The following EXT1 variants were observed in gnomAD, a reference collection of about 807,000 sequenced individuals.
EXT1 encodes the protein exostosin-1.
Under a neutral mutation model 82.5 loss-of-function variants are expected in EXT1, and 20 were observed. That is an observed-to-expected ratio of 0.24 (90% CI 0.17 to 0.35). The LOEUF is 0.35. Ranked by LOEUF, EXT1 falls within the 10% of genes least tolerant of loss-of-function variation. The pLI, the probability that EXT1 is intolerant of heterozygous loss-of-function variation, is 1.00. For synonymous variants in EXT1, 348 were observed against 350.8 expected (o/e 0.99, Z 0.09); for missense variants, 757 against 936.5 (o/e 0.81, Z 2.50).
At chr8:118,047,351 T>C (rs1173037485) in intron 1 of EXT1, among the ~76,000 whole-genome samples, 1 of 152,202 alleles carries the variant, frequency 6.6e-6, no homozygotes, top group Non-Finnish European at 1.5e-5. Flanking sequence ...CTCAGTTTCC[T>C]TTCGTGTAAA....
At chr8:118,030,053 C>A (rs1361123588) in intron 1 of EXT1, among the ~76,000 whole-genome samples, 1 of 152,148 alleles carries the variant, frequency 6.6e-6, no homozygotes, top group Non-Finnish European at 1.5e-5. Context: ...GGATATCTCT[C>A]ATGAAGGTTG....
chr8:117,991,618 G>T (rs1014417467), intron 1 of EXT1, among the ~76,000 whole-genome samples: 1 of 152,102 alleles, frequency 6.6e-6, no homozygotes, highest in East Asian at 1.9e-4. Flanking sequence ...CTGGAGCGCA[G>T]TGGCATGATC....
chr8:117,914,309 C>T (rs929201623), intron 1 of EXT1, among the ~76,000 whole-genome samples: 5 of 152,158 alleles, frequency 3.3e-5, no homozygotes, highest in African/African-American at 1.2e-4. Flanking sequence ...TCTTCGTAAG[C>T]TGAGGATGTA....
Position 117,835,429 on chromosome 8 carries a change from C to T in EXT1, c.1164+15G>A, listed in dbSNP as rs1173797611. On this transcript the variant is annotated intron_variant, in intron 3 of 10. Coordinates refer to ENST00000378204, the MANE Select transcript of EXT1 (RefSeq NM_000127.3). ...TAATCTGCTGATGTGTTGAAGGCCA[C>T]AGCCCCTTCCTTACCTGTAATAACA... is the stretch of plus-strand genomic sequence containing the variant. The T allele has an allele frequency of 1.3e-6, 2 of 1,592,298 alleles. No homozygotes were observed. Among genetic ancestry groups the T allele is most frequent in the Non-Finnish European group, 1.7e-6 (2 of 1,159,992 alleles).
At chr8:117,969,815 T>C (rs912301497) in intron 1 of EXT1, among the ~76,000 whole-genome samples, 1 of 152,260 alleles carries the variant, frequency 6.6e-6, no homozygotes, top group African/African-American at 2.4e-5. Context: ...AATGCACTTT[T>C]TCAACATTCA....
intron 1 of EXT1, among the ~76,000 whole-genome samples, chr8:117,863,416 T>TTTG (rs1331658945): frequency 1.8e-5 from 2 of 111,284 alleles, no homozygotes; most frequent in Non-Finnish European, 4.5e-5. Flanking sequence ...TCTAGGTTTT[T>TTTG]TTTTTTTTTT....
chr8:118,032,507 A>AC (rs1816343368), intron 1 of EXT1, among the ~76,000 whole-genome samples: 1 of 145,954 alleles, frequency 6.9e-6, no homozygotes, highest in Admixed American at 6.8e-5. Context: ...GAGGGTAACA[A>AC]CTTTTTTTTT....
At position 117,955,017 on chromosome 8, in the gene EXT1, C is replaced by A. The variant is rs557073673; in HGVS notation, c.963-117816G>T. Among the ~76,000 whole-genome samples the A allele has an allele frequency of 5.9e-5, 9 of 152,288 alleles. No homozygotes were observed. In the South Asian group the frequency reaches 1.2e-3, roughly 21 times the overall value. Reference sequence around the variant, plus strand: ...TCAGGGGATCTCATGACTCCCTCCTCAAGTTCAATCGTTTGCTAGAAGGGG... The same window carrying A: ...TCAGGGGATCTCATGACTCCCTCCTAAAGTTCAATCGTTTGCTAGAAGGGG... On this transcript the variant is annotated intron_variant, in intron 1 of 10. Coordinates refer to ENST00000378204, the MANE Select transcript of EXT1 (RefSeq NM_000127.3).
At chr8:117,810,805 C>T (rs1823306586) in intron 8 of EXT1, among the ~76,000 whole-genome samples, 1 of 152,166 alleles carries the variant, frequency 6.6e-6, no homozygotes, top group Non-Finnish European at 1.5e-5. Context: ...GACTGCATCA[C>T]CTGGTTGGGT....
At chr8:118,067,994 G>A (rs1190171373) in intron 1 of EXT1, among the ~76,000 whole-genome samples, 1 of 152,150 alleles carries the variant, frequency 6.6e-6, no homozygotes, top group Non-Finnish European at 1.5e-5. Context: ...TAACAAAACT[G>A]CAACTACAAC....
At chr8:117,877,806 A>C (rs1381053255) in intron 1 of EXT1, among the ~76,000 whole-genome samples, 1 of 152,186 alleles carries the variant, frequency 6.6e-6, no homozygotes, top group African/African-American at 2.4e-5. Context: ...GAATTTTAGG[A>C]AAGTACTAGT....
chr8:117,811,879 G>C (rs1228304606), intron 8 of EXT1, among the ~76,000 whole-genome samples: 2 of 152,178 alleles, frequency 1.3e-5, no homozygotes, highest in Non-Finnish European at 2.9e-5. Flanking sequence ...CTCCCAAAGT[G>C]CTGGGATTAC....
At chr8:117,959,177 T>C (rs1484597215) in intron 1 of EXT1, among the ~76,000 whole-genome samples, 1 of 152,218 alleles carries the variant, frequency 6.6e-6, no homozygotes, top group African/African-American at 2.4e-5. Context: ...CTAGTGCCTG[T>C]GAAAGCTGCA....
intron 1 of EXT1, among the ~76,000 whole-genome samples, chr8:118,036,806 C>T (rs1478929489): frequency 6.6e-6 from 1 of 152,152 alleles, no homozygotes; most frequent in Non-Finnish European, 1.5e-5. Context: ...ATCTACTGCC[C>T]TTTCTCCATT....
At chr8:118,074,323 C>G (rs1478509307) in intron 1 of EXT1, among the ~76,000 whole-genome samples, 1 of 152,122 alleles carries the variant, frequency 6.6e-6, no homozygotes, top group Non-Finnish European at 1.5e-5. Context: ...TTTCCTGTTG[C>G]AAAGAGAAAG....
intron 8 of EXT1, among the ~76,000 whole-genome samples, chr8:117,809,186 T>C (rs975037329): frequency 1.4e-5 from 2 of 145,478 alleles, no homozygotes; most frequent in African/African-American, 5.1e-5. Context: ...TATGTGCATG[T>C]GTGTAGGTAT....
chr8:118,052,469 T>C (rs1816732580), intron 1 of EXT1, among the ~76,000 whole-genome samples: 1 of 152,206 alleles, frequency 6.6e-6, no homozygotes, highest in African/African-American at 2.4e-5. Context: ...CAGCAGTACA[T>C]TTAACAAGAA....
intron 1 of EXT1, among the ~76,000 whole-genome samples, chr8:117,951,744 A>T (rs1483897793): frequency 1.3e-5 from 2 of 152,228 alleles, no homozygotes; most frequent in Non-Finnish European, 2.9e-5. Flanking sequence ...TCTATAAGCT[A>T]CAACCCATGG....
At chr8:117,896,028 G>A (rs575580809) in intron 1 of EXT1, among the ~76,000 whole-genome samples, 5 of 152,322 alleles carry the variant, frequency 3.3e-5, no homozygotes, top group South Asian at 2.1e-4. Flanking sequence ...GTTGTAAAAC[G>A]TAGAGAAGGT....
Sources: gnomAD v4.1 joint callset for allele counts (sites outside exome capture counted in the v4.1 genomes callset) on GRCh38, gnomAD v4.1.1 for gene constraint, MANE v1.5 for transcripts, NCBI Gene and HGNC (gene_info 2026-07-23, HGNC 2026-07-21) for gene names.